The following RBFOX1 variants were observed in gnomAD, a reference collection of about 807,000 sequenced individuals.
The protein encoded by RBFOX1 is RNA binding protein fox-1 homolog 1.
A neutral mutation model predicts 57.7 loss-of-function variants in RBFOX1; 8 were observed. The observed-to-expected ratio is 0.14, with a 90% CI of 0.08 to 0.25. The LOEUF is 0.25. Among genes scored for constraint, RBFOX1 ranks in the 10% least tolerant of loss-of-function variants. The pLI is 1.00. For synonymous variants in RBFOX1, 326 were observed against 222.4 expected, an observed-to-expected ratio of 1.47 and a Z score of -4.15; for missense variants, 611 against 548.5, an observed-to-expected ratio of 1.11 and a Z score of -1.14.
chr16:6,922,175 T>TG lies in RBFOX1; in HGVS notation c.-15-129876dup, dbSNP rs563847590. Reference sequence around the variant, plus strand: ...ACAGGGGAGGATGTGAAATGGATCCTGGGGGGTAGGTGCAATTCAGTGGTT... The same window carrying TG: ...ACAGGGGAGGATGTGAAATGGATCCTGGGGGGGTAGGTGCAATTCAGTGGTT... On this transcript the variant is annotated intron_variant, in intron 3 of 15. Transcript: ENST00000550418. 6.6e-5 allele frequency among the ~76,000 whole-genome samples: 10 copies of TG among 152,194 alleles called. No individual in the cohort carries two copies. The South Asian group carries it at 1.0e-3, about 16-fold the overall frequency.
chr16:7,529,100 A>G (rs1245882978), intron 5 of RBFOX1, among the ~76,000 whole-genome samples: 1 of 152,112 alleles, frequency 6.6e-6, no homozygotes. Context: ...CTCGACACAA[A>G]AAGTACAAAA....
Position 6,749,378 on chromosome 16 carries a change from C to G in RBFOX1, c.-16+94728C>G, listed in dbSNP as rs2074449684. ...GTAAGTGCTCAGGACATGAGTGCCA[C>G]CATCCTTCCCCCAAGGAGGCATGAG... On this transcript the variant is annotated intron_variant, in intron 3 of 15. Transcript: ENST00000550418. Among the ~76,000 whole-genome samples, 4 of 152,194 alleles carry G rather than the reference C, an allele frequency of 2.6e-5. No homozygotes were observed. In the South Asian group the frequency reaches 8.3e-4, roughly 31 times the overall value.
intron 3 of RBFOX1, among the ~76,000 whole-genome samples, chr16:5,632,031 GC>G (rs2048526944): frequency 6.6e-6 from 1 of 152,174 alleles, no homozygotes; most frequent in African/African-American, 2.4e-5. Flanking sequence ...GGATGTCTGA[GC>G]TTTCTTTTCC....
At chr16:6,366,528 C>T (rs2089649573) in intron 2 of RBFOX1, among the ~76,000 whole-genome samples, 1 of 152,108 alleles carries the variant, frequency 6.6e-6, no homozygotes, top group Admixed American at 6.5e-5. Flanking sequence ...AATATGACAC[C>T]ACCTGAATTT....
chr16:5,431,699 C>A (rs963720060), intron 1 of RBFOX1, among the ~76,000 whole-genome samples: 2 of 152,192 alleles, frequency 1.3e-5, no homozygotes, highest in African/African-American at 4.8e-5. Flanking sequence ...TTATTATTTG[C>A]CACTGCGATT....
intron 3 of RBFOX1, among the ~76,000 whole-genome samples, chr16:5,799,343 G>C (rs901136663): frequency 1.3e-5 from 2 of 152,146 alleles, no homozygotes; most frequent in African/African-American, 4.8e-5. Context: ...TGGGGACATA[G>C]CCAAACCATA....
At chr16:5,455,248 C>T (rs1032487139) in intron 1 of RBFOX1, among the ~76,000 whole-genome samples, 1 of 151,974 alleles carries the variant, frequency 6.6e-6, no homozygotes. Context: ...CATGGCCTTT[C>T]TGTATAACTT....
intron 3 of RBFOX1, among the ~76,000 whole-genome samples, chr16:6,914,904 G>T (rs115082883): frequency 6.6e-6 from 1 of 152,202 alleles, no homozygotes; most frequent in African/African-American, 2.4e-5. Context: ...AACACAGATG[G>T]ATAGGTTTGA....
chr16:6,739,722 C>G (rs898794207), intron 3 of RBFOX1, among the ~76,000 whole-genome samples: 3 of 151,938 alleles, frequency 2.0e-5, no homozygotes, highest in Non-Finnish European at 4.4e-5. Flanking sequence ...ACTAAAAATA[C>G]AAAAATTAGC....
intron 1 of RBFOX1, among the ~76,000 whole-genome samples, chr16:5,313,650 G>A (rs1260367716): frequency 6.6e-6 from 1 of 152,294 alleles, no homozygotes; most frequent in Non-Finnish European, 1.5e-5. Flanking sequence ...GTCTTACATG[G>A]ATGGCGGCAG....
intron 1 of RBFOX1, among the ~76,000 whole-genome samples, chr16:6,291,350 C>T (rs975152667): frequency 3.3e-5 from 5 of 152,140 alleles, no homozygotes; most frequent in Admixed American, 1.3e-4. Flanking sequence ...TGCTGAGAGC[C>T]GTGAGTTCTC....
intron 1 of RBFOX1, among the ~76,000 whole-genome samples, chr16:5,313,254 C>A (rs556183332): frequency 5.3e-5 from 8 of 152,186 alleles, no homozygotes; most frequent in Admixed American, 4.6e-4. Context: ...TCTAATTCCC[C>A]CTCTCCAAAG....
chr16:6,081,164 G>A (rs2095995455), intron 1 of RBFOX1, among the ~76,000 whole-genome samples: 1 of 152,166 alleles, frequency 6.6e-6, no homozygotes, highest in Admixed American at 6.6e-5. Flanking sequence ...ATACACTTTA[G>A]CAGACTGATG....
chr16:6,153,539 T>A (rs1003553847), intron 1 of RBFOX1, among the ~76,000 whole-genome samples: 1 of 152,084 alleles, frequency 6.6e-6, no homozygotes, highest in African/African-American at 2.4e-5. Flanking sequence ...ATTGTACGTT[T>A]TTTTTTTCCC....
At chr16:7,423,480 T>G (rs1025678829) in intron 4 of RBFOX1, among the ~76,000 whole-genome samples, 1 of 151,650 alleles carries the variant, frequency 6.6e-6, no homozygotes, top group African/African-American at 2.4e-5. Flanking sequence ...AAGGGGGAGA[T>G]TTGGAAGGCT....
Position 6,535,187 on chromosome 16 carries a change from G to A in RBFOX1, c.-63-119416G>A, listed in dbSNP as rs567102828. 8.5e-5 allele frequency among the ~76,000 whole-genome samples: 13 copies of A among 152,294 alleles called. No homozygotes were observed. The East Asian group carries it at 2.5e-3, about 29-fold the overall frequency. ...GACTTTTTCTGTGTGAGCACTCAAA[G>A]TCTCATGTCCTGGGAAAATCCTCTG... On this transcript the variant is annotated intron_variant, in intron 2 of 15. Coordinates refer to ENST00000550418, the MANE Select transcript of RBFOX1 (RefSeq NM_018723.4).
intron 2 of RBFOX1, among the ~76,000 whole-genome samples, chr16:6,377,539 C>T (rs1388911169): frequency 6.6e-6 from 1 of 152,042 alleles, no homozygotes; most frequent in African/African-American, 2.4e-5. Flanking sequence ...CTGAGTCTGC[C>T]TGCCTGCGTA....
chr16:5,463,799 A>G (rs1188484643), intron 1 of RBFOX1, among the ~76,000 whole-genome samples: 3 of 128,778 alleles, frequency 2.3e-5, no homozygotes, highest in Non-Finnish European at 4.8e-5. Flanking sequence ...GACTGTCTCG[A>G]AAAAAAAAAA....
chr16:6,729,391 C>G (rs1421286327), intron 3 of RBFOX1, among the ~76,000 whole-genome samples: 3 of 152,158 alleles, frequency 2.0e-5, no homozygotes, highest in Non-Finnish European at 2.9e-5. Context: ...AATAGTTTAT[C>G]AAGTACCTTT....
Sources: allele counts gnomAD v4.1 joint callset (sites outside exome capture counted in the v4.1 genomes callset), GRCh38; gene constraint gnomAD v4.1.1; transcripts MANE v1.5; gene names NCBI Gene and HGNC (gene_info 2026-07-23, HGNC 2026-07-21).